Variants in GMCL1 observed in about 807,000 individuals in gnomAD.
The protein encoded by GMCL1 is germ cell-less 1, spermatogenesis associated.
A neutral mutation model predicts 75.5 loss-of-function variants in GMCL1; 54 were observed. The observed-to-expected ratio is 0.71, with a 90% CI of 0.57 to 0.90. The LOEUF (loss-of-function observed/expected upper bound fraction) is 0.90. Among genes scored for constraint, GMCL1 ranks in the 40% least tolerant of loss-of-function variants. The pLI, the probability that GMCL1 is intolerant of heterozygous loss-of-function variation, is 0.00. For missense variants in GMCL1, 537 were observed against 622.7 expected, an observed-to-expected ratio of 0.86 and a Z score of 1.47; for synonymous variants, 210 against 209.6, an observed-to-expected ratio of 1.00 and a Z score of -0.02.
intron 10 of GMCL1, 79 bp from the exon 11 acceptor site, chr2:69,864,821 C>G (rs1291850254): frequency 3.4e-6 from 3 of 888,446 alleles, no homozygotes; most frequent in Non-Finnish European, 5.3e-6. Context: ...GCAAGATTTT[C>G]TGTTCTTAAC....
Position 69,833,774 on chromosome 2 carries a change from A to G in GMCL1, c.260+3622A>G, listed in dbSNP as rs531277725. On this transcript the variant is annotated intron_variant, in intron 1 of 13. Coordinates refer to ENST00000282570, the MANE Select transcript of GMCL1 (RefSeq NM_178439.5). ...AGCTTTTAGGCCCAACTTCCACCTC[A>G]TACCTTTGTCAACTGCATGTTCTAC... Among the ~76,000 whole-genome samples the G allele has an allele frequency of 4.5e-4, 68 of 152,352 alleles. 1 individual carries two copies. In the South Asian group the frequency reaches 0.013, roughly 30 times the overall value.
At chr2:69,871,904 T>C in intron 13 of GMCL1, 72 bp downstream of exon 13, 1 of 972,858 alleles carries the variant, frequency 1.0e-6, no homozygotes, top group Non-Finnish European at 1.6e-6. Flanking sequence ...AATTCTTAAG[T>C]AGAATTAACA....
At chr2:69,834,986 G>A (rs891498563) in intron 1 of GMCL1, among the ~76,000 whole-genome samples, 10 of 151,940 alleles carry the variant, frequency 6.6e-5, no homozygotes, top group Non-Finnish European at 7.4e-5. Flanking sequence ...ATTTCTTTTG[G>A]ACCAGGGGTG....
intron 10 of GMCL1, among the ~76,000 whole-genome samples, chr2:69,863,166 C>A (rs1057305359): frequency 6.6e-6 from 1 of 152,156 alleles, no homozygotes; most frequent in Non-Finnish European, 1.5e-5. Context: ...CCCTGCAAAA[C>A]CCACATATAC....
At chr2:69,866,236 G>C (rs1324107991) in intron 11 of GMCL1, among the ~76,000 whole-genome samples, 2 of 135,704 alleles carry the variant, frequency 1.5e-5, no homozygotes, top group Non-Finnish European at 3.1e-5. Context: ...GACAGAGCGA[G>C]TCTCCATCTC....
At chr2:69,855,014 TATAG>T in intron 9 of GMCL1, 54 bp downstream of exon 9, 1 of 1,293,448 alleles carries the variant, frequency 7.7e-7, no homozygotes, top group African/African-American at 1.5e-5. Flanking sequence ...TATAAAGTAA[TATAG>T]ATCATAGAAA....
chr2:69,839,597 A>G (rs376768582), intron 3 of GMCL1, 44 bp downstream of exon 3: 4 of 1,195,132 alleles, frequency 3.3e-6, no homozygotes, highest in Non-Finnish European at 5.0e-6. Flanking sequence ...TCGTAAAAAC[A>G]TAATCTTATT....
intron 1 of GMCL1, among the ~76,000 whole-genome samples, chr2:69,835,936 TTGTC>T (rs1192898719): frequency 9.2e-5 from 14 of 152,140 alleles, no homozygotes; most frequent in African/African-American, 2.9e-4. Context: ...GAGGATTGCT[TTGTC>T]TGGGCACCAG....
rs537585189 is a variant in GMCL1 at position 69,850,046 on chromosome 2, C to T, written c.934+304C>T. Among the ~76,000 whole-genome samples, 6 of 152,320 alleles carry T rather than the reference C, an allele frequency of 3.9e-5. No homozygotes were observed. The East Asian group carries it at 1.2e-3, about 29-fold the overall frequency. Reference sequence around the variant, plus strand: ...ATTGTTTTTCCCATTTTATCACTAACAGATCTTGTTGATTGCATTTGTCTT... The same window carrying T: ...ATTGTTTTTCCCATTTTATCACTAATAGATCTTGTTGATTGCATTTGTCTT... On this transcript the variant is annotated intron_variant, in intron 8 of 13. Coordinates refer to ENST00000282570, the MANE Select transcript of GMCL1 (RefSeq NM_178439.5).
intron 1 of GMCL1, among the ~76,000 whole-genome samples, chr2:69,831,068 A>G (rs920713216): frequency 1.3e-5 from 2 of 152,076 alleles, no homozygotes; most frequent in South Asian, 2.1e-4. Flanking sequence ...ACCGGCGCGC[A>G]CCACCACGCC....
intron 10 of GMCL1, 98 bp downstream of exon 10, chr2:69,861,445 C>A (rs1675644479): frequency 4.4e-6 from 3 of 678,490 alleles, no homozygotes; most frequent in South Asian, 4.5e-5. Context: ...GTATTGAAAA[C>A]TCAAGCTGTT....
rs192875390 is a variant in GMCL1 at position 69,860,911 on chromosome 2, T to C, written c.1073-367T>C. Reference sequence around the variant, plus strand: ...AGGCTGGAGTGCAGTGGCATGATCTTGGCTCCCTGCAACCTCCGCCTCCTG... The same window carrying C: ...AGGCTGGAGTGCAGTGGCATGATCTCGGCTCCCTGCAACCTCCGCCTCCTG... On this transcript the variant is annotated intron_variant, in intron 9 of 13. Transcript: ENST00000282570. Among the ~76,000 whole-genome samples, 570 of 152,274 alleles carry C rather than the reference T, an allele frequency of 3.7e-3. 3 individuals carry two copies. The highest frequency in any genetic ancestry group is 0.013 in the African/African-American group (547 of 41,570).
chr2:69,860,289 G>A (rs1334174640), intron 9 of GMCL1, among the ~76,000 whole-genome samples: 1 of 151,984 alleles, frequency 6.6e-6, no homozygotes, highest in Admixed American at 6.6e-5. Flanking sequence ...ATCTCACCTG[G>A]CCTACTCTTA....
In GMCL1 at chr2:69,832,473, T is replaced by TAC. The variant is rs1270214354; in HGVS notation, c.260+2322_260+2323insCA. Among the ~76,000 whole-genome samples, 47 of 152,282 alleles carry TAC rather than the reference T, an allele frequency of 3.1e-4. No homozygotes were observed. The South Asian group carries it at 8.1e-3, about 26-fold the overall frequency. On this transcript the variant is annotated intron_variant, in intron 1 of 13. Transcript: ENST00000282570. ...AGCCACTACCACATACATACATACA[T>TAC]ATATACATTTATTTATTTATATTTA...
In GMCL1 at chr2:69,829,986, C is replaced by G; in HGVS notation, c.94C>G (p.Pro32Ala). The G allele has an allele frequency of 6.3e-7, 1 of 1,581,444 alleles. No homozygotes were observed. Among genetic ancestry groups the G allele is most frequent in the South Asian group, 1.1e-5 (1 of 87,100 alleles). ...CAGGGCGGGGGGCTCGGCCCGGAGGCCGGACACTGGAGACGATGCGGCGGG... is the reference window on the plus strand; with the variant it reads ...CAGGGCGGGGGGCTCGGCCCGGAGGGCGGACACTGGAGACGATGCGGCGGG... The part of the protein sequence containing the change: ...GARAGGSARR[P>A]DTGDDAAGHG... The change falls in exon 1 of 14, where the codon CCG (proline) becomes GCG (alanine). Residue 32 changes from proline (P) to alanine (A), a missense_variant. Coordinates refer to ENST00000282570, the MANE Select transcript of GMCL1 (RefSeq NM_178439.5).
chr2:69,865,590 G>A (rs1165862156), intron 11 of GMCL1, among the ~76,000 whole-genome samples: 1 of 151,886 alleles, frequency 6.6e-6, no homozygotes, highest in Non-Finnish European at 1.5e-5. Flanking sequence ...AGAGGTTGCA[G>A]TAAGCCGAGA....
Position 69,840,949 on chromosome 2 carries a change from G to A in GMCL1, c.489G>A (p.Gln163=). ...TGTGTACCTTGCTTTCAGCACTGCA[G>A]GTTGCATTTGGTTCACTGTATCGAG... ...PDQNIDVEAL[Q]VAFGSLYRDD... Residue 163 remains glutamine, a synonymous_variant, in exon 4 of 14, where the codon CAG becomes CAA. Transcript: ENST00000282570. The A allele has an allele frequency of 6.2e-7, 1 of 1,613,066 alleles. No individual in the cohort carries two copies. The highest frequency in any genetic ancestry group is 1.1e-5 in the South Asian group (1 of 91,000).
At chr2:69,830,246 C>T (rs1342546502) in intron 1 of GMCL1, 94 bp downstream of exon 1, 4 of 1,437,014 alleles carry the variant, frequency 2.8e-6, no homozygotes, top group Non-Finnish European at 2.8e-6. Flanking sequence ...GTGCAGCGCT[C>T]CCCAGCCTAT....
rs750140649 is a variant in GMCL1, at chr2:69,871,759, C to A, written c.1379C>A (p.Ser460Tyr). The A allele has an allele frequency of 5.1e-6, 8 of 1,554,388 alleles. No homozygotes were observed. The South Asian group carries it at 9.7e-5, about 19-fold the overall frequency. The change falls in exon 13 of 14, where the codon TCT becomes TAT. Residue 460 changes from serine to tyrosine, a missense_variant. By Grantham distance (144) the Ser-to-Tyr change is moderately radical (BLOSUM62 -2). This residue lies in a region of GMCL1 where 345 missense variants were observed against 410.5 expected (regional missense o/e 0.84). Coordinates refer to ENST00000282570, the MANE Select transcript of GMCL1 (RefSeq NM_178439.5). ...TTTAATCCTAGATTACGTTTGGCTT[C>A]TTTTGATAGTAGTGGAAAACTAATA... ...RSIAFRLRLASFDSSGKLICS... is the reference protein window; with the variant it reads ...RSIAFRLRLAYFDSSGKLICS...
Sources: allele counts gnomAD v4.1 joint callset (sites outside exome capture counted in the v4.1 genomes callset), GRCh38; gene constraint gnomAD v4.1.1; regional missense constraint gnomAD v4.1.1; transcripts MANE v1.5; gene names NCBI Gene and HGNC (gene_info 2026-07-23, HGNC 2026-07-21).